Variants in CNTN6 observed in about 807,000 individuals in gnomAD.
CNTN6 encodes the protein contactin-6.
CNTN6 carries 137 observed loss-of-function variants against 122.8 expected under a neutral mutation model. That is an observed-to-expected ratio of 1.12 (90% CI 0.97 to 1.29). The LOEUF is 1.29. CNTN6 is among the 50% of genes most tolerant of loss of function. The pLI, the probability that CNTN6 is intolerant of heterozygous loss-of-function variation, is 0.00. For synonymous variants in CNTN6, 570 were observed against 426.0 expected, an observed-to-expected ratio of 1.34 and a Z score of -4.16; for missense variants, 1,634 against 1,223.4, an observed-to-expected ratio of 1.34 and a Z score of -5.01.
At chr3:1,137,299 C>G (rs2092501831) in intron 1 of CNTN6, among the ~76,000 whole-genome samples, 1 of 152,194 alleles carries the variant, frequency 6.6e-6, no homozygotes, top group Admixed American at 6.5e-5. Context: ...GTTGTTAATG[C>G]CTTTTTGTTG....
chr3:1,135,629 T>C (rs1453293227), intron 1 of CNTN6, among the ~76,000 whole-genome samples: 2 of 152,166 alleles, frequency 1.3e-5, no homozygotes, highest in Non-Finnish European at 2.9e-5. Flanking sequence ...ATACACTACA[T>C]ATATATATTA....
intron 7 of CNTN6, among the ~76,000 whole-genome samples, chr3:1,304,837 A>G (rs1399221512): frequency 1.3e-5 from 2 of 151,960 alleles, no homozygotes; most frequent in Admixed American, 1.3e-4. Flanking sequence ...TACAAAAAAT[A>G]CAAAAAATTA....
At chr3:1,338,833 TATA>T (rs1183093621) in intron 11 of CNTN6, among the ~76,000 whole-genome samples, 1 of 152,160 alleles carries the variant, frequency 6.6e-6, no homozygotes, top group East Asian at 1.9e-4. Flanking sequence ...AATTTTAAAG[TATA>T]ATGTCCTTTT....
intron 12 of CNTN6, among the ~76,000 whole-genome samples, chr3:1,361,297 C>T (rs1256571490): frequency 1.3e-5 from 2 of 152,072 alleles, no homozygotes; most frequent in South Asian, 2.1e-4. Flanking sequence ...TGTCCTAATT[C>T]TTTGTTTCCC....
At chr3:1,209,546 C>T (rs186590724) in intron 2 of CNTN6, among the ~76,000 whole-genome samples, 2 of 152,032 alleles carry the variant, frequency 1.3e-5, no homozygotes, top group Non-Finnish European at 2.9e-5. Context: ...GATGTTCAAG[C>T]GTTATTGAAC....
At chr3:1,095,132 T>C (rs1365117200) in intron 1 of CNTN6, among the ~76,000 whole-genome samples, 2 of 151,764 alleles carry the variant, frequency 1.3e-5, no homozygotes, top group Non-Finnish European at 2.9e-5. Context: ...TAGTCAATAA[T>C]AGATACTCTT....
chr3:1,312,223 T>C (rs1171847750), intron 7 of CNTN6, among the ~76,000 whole-genome samples: 1 of 152,140 alleles, frequency 6.6e-6, no homozygotes, highest in East Asian at 1.9e-4. Context: ...CATATAGTTT[T>C]TGAAAATTTT....
At chr3:1,338,135 C>T (rs999780079) in intron 11 of CNTN6, among the ~76,000 whole-genome samples, 5 of 152,032 alleles carry the variant, frequency 3.3e-5, no homozygotes, top group Non-Finnish European at 7.4e-5. Flanking sequence ...GTAAAGCCAC[C>T]CTTGGTGGCT....
At chr3:1,165,705 T>C (rs1393314374) in intron 2 of CNTN6, among the ~76,000 whole-genome samples, 1 of 152,194 alleles carries the variant, frequency 6.6e-6, no homozygotes, top group Non-Finnish European at 1.5e-5. Flanking sequence ...AACCATGAGA[T>C]GTGCATTACT....
chr3:1,277,346 C>CCTTTTTT, intron 4 of CNTN6, among the ~76,000 whole-genome samples: 1 of 80,172 alleles, frequency 1.2e-5, no homozygotes, highest in Non-Finnish European at 2.4e-5. Context: ...AGTAGGTTTT[C>CCTTTTTT]TTTTTTTTTT....
At chr3:1,118,752 A>C (rs1198315629) in intron 1 of CNTN6, among the ~76,000 whole-genome samples, 1 of 152,028 alleles carries the variant, frequency 6.6e-6, no homozygotes, top group Non-Finnish European at 1.5e-5. Flanking sequence ...TATTTTGGCA[A>C]CTCCAGCAGA....
chr3:1,380,903 ATTTC>A (rs1691769602), intron 17 of CNTN6, among the ~76,000 whole-genome samples: 3 of 152,272 alleles, frequency 2.0e-5, no homozygotes, highest in African/African-American at 7.2e-5. Context: ...GAATTTCACA[ATTTC>A]TTTATTTTAC....
chr3:1,095,003 A>G (rs1444671546), intron 1 of CNTN6, among the ~76,000 whole-genome samples: 2 of 152,144 alleles, frequency 1.3e-5, no homozygotes, highest in Non-Finnish European at 2.9e-5. Flanking sequence ...AAATTTGGCG[A>G]CTATCATTGG....
intron 1 of CNTN6, among the ~76,000 whole-genome samples, chr3:1,119,322 C>CGTGT (rs369235352): frequency 1.2e-3 from 157 of 126,546 alleles, no homozygotes; most frequent in South Asian, 3.1e-3. Flanking sequence ...ACAGAAAAAT[C>CGTGT]GTGTGTGTGT....
chr3:1,251,968 G>A (rs1452787980), intron 4 of CNTN6, among the ~76,000 whole-genome samples: 1 of 152,112 alleles, frequency 6.6e-6, no homozygotes, highest in African/African-American at 2.4e-5. Flanking sequence ...TGACTAACTA[G>A]ATGTGTTTCA....
At chr3:1,189,594 T>C (rs2093672758) in intron 2 of CNTN6, among the ~76,000 whole-genome samples, 1 of 152,210 alleles carries the variant, frequency 6.6e-6, no homozygotes, top group South Asian at 2.1e-4. Context: ...TTTGGACTGT[T>C]AGAGCCAGAA....
At position 1,201,689 on chromosome 3, in the gene CNTN6, T is replaced by C. The variant is rs2093874767; in HGVS notation, c.56-18998T>C. On this transcript the variant is annotated intron_variant, in intron 2 of 22. Coordinates refer to ENST00000446702, the MANE Select transcript of CNTN6 (RefSeq NM_001289080.2). Reference sequence around the variant, plus strand: ...AGGAAAAACTTTTATTATTGCATTATTTATAATAGAAAACAAAAATATGGA... The same window carrying C: ...AGGAAAAACTTTTATTATTGCATTACTTATAATAGAAAACAAAAATATGGA... 2.6e-5 allele frequency among the ~76,000 whole-genome samples: 4 copies of C among 152,236 alleles called. No homozygotes were observed. In the South Asian group the frequency reaches 8.3e-4, roughly 32 times the overall value.
At chr3:1,326,681 A>G (rs897673702) in intron 9 of CNTN6, among the ~76,000 whole-genome samples, 1 of 151,900 alleles carries the variant, frequency 6.6e-6, no homozygotes, top group Admixed American at 6.6e-5. Flanking sequence ...TTTACTTTGC[A>G]CATGTAGGCA....
chr3:1,191,771 C>G (rs1001044261), intron 2 of CNTN6, among the ~76,000 whole-genome samples: 1 of 152,112 alleles, frequency 6.6e-6, no homozygotes, highest in Non-Finnish European at 1.5e-5. Context: ...TACACTTACT[C>G]TAGGTAGTTT....
Sources: gnomAD v4.1 joint callset for allele counts (sites outside exome capture counted in the v4.1 genomes callset) on GRCh38, gnomAD v4.1.1 for gene constraint, MANE v1.5 for transcripts, NCBI Gene and HGNC (gene_info 2026-07-23, HGNC 2026-07-21) for gene names.